SRP54: variants seen among roughly 807,000 people sequenced by gnomAD.
SRP54 encodes signal recognition particle 54, also known as signal recognition particle subunit SRP54.
Under a neutral mutation model 64.8 loss-of-function variants are expected in SRP54, and 10 were observed. The ratio of observed to expected loss-of-function variants is 0.15; its 90% confidence interval spans 0.10 to 0.26. SRP54 has a LOEUF of 0.26. Among genes scored for constraint, SRP54 ranks in the 10% least tolerant of loss-of-function variants. SRP54 has a pLI of 1.00. For synonymous variants in SRP54, 193 were observed against 185.6 expected (o/e 1.04, Z -0.32); for missense variants, 325 against 613.7 (o/e 0.53, Z 4.97).
chr14:35,023,990 T>TA (rs1172411905), intron 14 of SRP54, among the ~76,000 whole-genome samples: 2 of 152,094 alleles, frequency 1.3e-5, no homozygotes, highest in Non-Finnish European at 2.9e-5. Context: ...TAGTAGAAGC[T>TA]AAAAAAATTT....
At chr14:34,999,221 G>A (rs1296691168) in intron 2 of SRP54, among the ~76,000 whole-genome samples, 1 of 151,836 alleles carries the variant, frequency 6.6e-6, no homozygotes, top group African/African-American at 2.4e-5. Context: ...CGCCATGTTG[G>A]CCAGGCTGTT....
At chr14:35,006,824 G>A (rs1189991448) in intron 4 of SRP54, among the ~76,000 whole-genome samples, 1 of 152,090 alleles carries the variant, frequency 6.6e-6, no homozygotes, top group African/African-American at 2.4e-5. Flanking sequence ...ATTTTACTCT[G>A]TCTTTACAAA....
In SRP54 at chr14:35,019,954, G is replaced by A. The variant is rs543219592; in HGVS notation, c.1156+880G>A. Among the ~76,000 whole-genome samples, 7 of 152,168 alleles carry A rather than the reference G, an allele frequency of 4.6e-5. No homozygotes were observed. In the South Asian group the frequency reaches 8.3e-4, roughly 18 times the overall value. On this transcript the variant is annotated intron_variant, in intron 13 of 15. Transcript: ENST00000216774. ...TCCCAGCACTTTGGGAGGCTGAGGC[G>A]GGCGGATCACCTGAGGTCAGGAGTT...
chr14:34,988,412 A>G (rs2043929500), intron 1 of SRP54, among the ~76,000 whole-genome samples: 1 of 150,452 alleles, frequency 6.6e-6, no homozygotes, highest in Non-Finnish European at 1.5e-5. Context: ...AAATACAAAA[A>G]TTAGGTGGGT....
chr14:35,020,599 G>T (rs540250094), intron 13 of SRP54, among the ~76,000 whole-genome samples: 1 of 152,130 alleles, frequency 6.6e-6, no homozygotes, highest in East Asian at 1.9e-4. Context: ...TTTTTTTGTA[G>T]TCTCTTTTTC....
chr14:34,986,073 T>G (rs1182221775), intron 1 of SRP54, among the ~76,000 whole-genome samples: 2 of 152,202 alleles, frequency 1.3e-5, no homozygotes, highest in African/African-American at 4.8e-5. Flanking sequence ...AGCCAGAAAG[T>G]ATCGTAAAGA....
At chr14:34,984,316 A>G (rs1473064153) in intron 1 of SRP54, among the ~76,000 whole-genome samples, 1 of 152,190 alleles carries the variant, frequency 6.6e-6, no homozygotes, top group Non-Finnish European at 1.5e-5. Flanking sequence ...AGAAAGGGAA[A>G]GGGAATTAGT....
intron 5 of SRP54, among the ~76,000 whole-genome samples, chr14:35,007,704 T>TAA (rs1178348792): frequency 2.7e-3 from 324 of 119,420 alleles, no homozygotes; most frequent in Middle Eastern, 4.4e-3. Context: ...ATAGATTTTA[T>TAA]TAAAATATAT....
intron 14 of SRP54, among the ~76,000 whole-genome samples, chr14:35,027,498 C>T (rs2044651354): frequency 6.6e-6 from 1 of 152,176 alleles, no homozygotes; most frequent in South Asian, 2.1e-4. Flanking sequence ...TGTCTCACAC[C>T]TGTAATCCCA....
intron 11 of SRP54, among the ~76,000 whole-genome samples, chr14:35,016,853 T>C (rs1423681173): frequency 8.3e-5 from 12 of 144,040 alleles, no homozygotes; most frequent in Non-Finnish European, 1.5e-4. Context: ...TTCTTTTTTT[T>C]TTTTTTTCTT....
At chr14:35,026,201 T>C (rs963138239) in intron 14 of SRP54, among the ~76,000 whole-genome samples, 2 of 85,764 alleles carry the variant, frequency 2.3e-5, no homozygotes, top group African/African-American at 7.5e-5. Context: ...TGTTGTTTAT[T>C]TTTTGTTGTT....
At chr14:35,027,257 T>C (rs919150093) in intron 14 of SRP54, among the ~76,000 whole-genome samples, 1 of 151,086 alleles carries the variant, frequency 6.6e-6, no homozygotes, top group African/African-American at 2.4e-5. Context: ...CTCGAACTCC[T>C]GACCTCAAGT....
At chr14:34,999,696 T>G (rs746062925) in intron 3 of SRP54, 47 bp downstream of exon 3, 6 of 1,379,550 alleles carry the variant, frequency 4.3e-6, no homozygotes, top group Non-Finnish European at 6.2e-6. Flanking sequence ...TTAGTTTAGT[T>G]TACTGGAAAG....
At chr14:34,990,716 T>G (rs2043963451) in intron 1 of SRP54, among the ~76,000 whole-genome samples, 1 of 152,248 alleles carries the variant, frequency 6.6e-6, no homozygotes, top group Non-Finnish European at 1.5e-5. Flanking sequence ...TTCACTTTAG[T>G]GTACATATTA....
intron 9 of SRP54, 62 bp from the exon 10 acceptor site, chr14:35,013,740 A>G: frequency 7.0e-7 from 1 of 1,436,298 alleles, no homozygotes; most frequent in South Asian, 1.2e-5. Flanking sequence ...TTCGAATTTC[A>G]GATCTGCTGG....
intron 14 of SRP54, among the ~76,000 whole-genome samples, chr14:35,025,104 G>A (rs2044600529): frequency 6.6e-6 from 1 of 152,036 alleles, no homozygotes; most frequent in East Asian, 1.9e-4. Flanking sequence ...TGTGTATTAT[G>A]TATCGTAAAA....
At chr14:34,991,253 C>T (rs2043973029) in intron 1 of SRP54, among the ~76,000 whole-genome samples, 1 of 151,616 alleles carries the variant, frequency 6.6e-6, no homozygotes, top group South Asian at 2.1e-4. Flanking sequence ...CCTCAGCCTT[C>T]TGAGTACCTG....
Position 35,000,980 on chromosome 14 carries a change from GA to G in SRP54, c.220del (p.Met74Ter). 2.5e-6 allele frequency: 4 copies of G among 1,594,202 alleles called. No individual in the cohort carries two copies. Among genetic ancestry groups the G allele is most frequent in the South Asian group, 1.1e-5 (1 of 87,442 alleles). ...GAGATGGCATCTGGTCTTAACAAAAGAAAAATGATTCAGCATGCTGTATTTA... is the reference window on the plus strand; with the variant it reads ...GAGATGGCATCTGGTCTTAACAAAAGAAAATGATTCAGCATGCTGTATTTA... ...LEEMASGLNK[R>X]KMIQHAVFKE... is the part of the protein sequence containing the mutation. On this transcript the variant is annotated frameshift_variant, in exon 4 of 16. Coordinates refer to ENST00000216774, the MANE Select transcript of SRP54 (RefSeq NM_003136.4). LOFTEE classifies it high-confidence loss of function.
intron 11 of SRP54, among the ~76,000 whole-genome samples, chr14:35,015,948 CCTCT>C (rs1309930257): frequency 1.7e-4 from 26 of 152,306 alleles, no homozygotes; most frequent in African/African-American, 5.8e-4. Flanking sequence ...CCCATCCCAA[CCTCT>C]CACCTCGTTG....
Sources: allele counts gnomAD v4.1 joint callset (sites outside exome capture counted in the v4.1 genomes callset), GRCh38; gene constraint gnomAD v4.1.1; transcripts MANE v1.5; gene names NCBI Gene and HGNC (gene_info 2026-07-23, HGNC 2026-07-21).